The following ACTR3C variants were observed in gnomAD, a reference collection of about 807,000 sequenced individuals.
ACTR3C encodes actin-related protein 3C.
A neutral mutation model predicts 26.3 loss-of-function variants in ACTR3C; 18 were observed. The observed-to-expected ratio is 0.68, with a 90% confidence interval of 0.47 to 1.01. The LOEUF is 1.01. ACTR3C is among the 50% of genes least tolerant of loss of function. The pLI is 0.00. For synonymous variants in ACTR3C, 55 were observed against 94.5 expected (o/e 0.58, Z 2.42); for missense variants, 184 against 250.7 (o/e 0.73, Z 1.80).
At chr7:150,135,713 T>C in the ACTR3C span, among the ~76,000 whole-genome samples, 2 of 150,578 alleles carry the variant, frequency 1.3e-5, no homozygotes, top group Non-Finnish European at 2.9e-5. Context: ...AGGAAACTAA[T>C]AGAGCAGAAA....
the ACTR3C span, among the ~76,000 whole-genome samples, chr7:150,204,614 T>A: frequency 0.099 from 15,026 of 152,238 alleles, 958 homozygotes; most frequent in East Asian, 0.24. Flanking sequence ...CATGTGATGC[T>A]GTATCCTTTC....
At chr7:150,117,072 G>A in the ACTR3C span, among the ~76,000 whole-genome samples, 43 of 152,288 alleles carry the variant, frequency 2.8e-4, no homozygotes, top group Non-Finnish European at 5.3e-4. Flanking sequence ...CTTTTCCCAC[G>A]GTCTTCACAA....
chr7:150,263,576 A>G (rs1833813565), intron 6 of ACTR3C, among the ~76,000 whole-genome samples: 2 of 151,966 alleles, frequency 1.3e-5, no homozygotes, highest in Non-Finnish European at 2.9e-5. Context: ...ATTTGAAGAG[A>G]CTATGAAAGG....
intron 1 of ACTR3C, among the ~76,000 whole-genome samples, chr7:150,309,074 C>T (rs1796059813): frequency 6.6e-6 from 1 of 152,118 alleles, no homozygotes; most frequent in African/African-American, 2.4e-5. Flanking sequence ...GCATCGTGAG[C>T]CAGACCTCCA....
the ACTR3C span, among the ~76,000 whole-genome samples, chr7:150,073,228 G>A: frequency 6.6e-6 from 1 of 152,220 alleles, no homozygotes; most frequent in African/African-American, 2.4e-5. Flanking sequence ...GCCATCTTCT[G>A]TGGGTCAGGA....
chr7:150,116,444 C>T, the ACTR3C span, among the ~76,000 whole-genome samples: 1 of 152,156 alleles, frequency 6.6e-6, no homozygotes, highest in Non-Finnish European at 1.5e-5. Context: ...GTCTTGTGTA[C>T]ATGTTTCTAT....
intron 1 of ACTR3C, among the ~76,000 whole-genome samples, chr7:150,297,141 C>G (rs1441693875): frequency 6.8e-6 from 1 of 147,052 alleles, no homozygotes; most frequent in Non-Finnish European, 1.5e-5. Flanking sequence ...AACACTAGGA[C>G]ACATAGGGCC....
the ACTR3C span, among the ~76,000 whole-genome samples, chr7:150,119,974 C>T: frequency 3.3e-5 from 5 of 152,188 alleles, no homozygotes; most frequent in African/African-American, 1.2e-4. Context: ...CAACCTGCTC[C>T]TGAATGACTA....
At chr7:150,037,155 TC>T in the ACTR3C span, among the ~76,000 whole-genome samples, 2 of 46,410 alleles carry the variant, frequency 4.3e-5, 1 homozygote, top group Non-Finnish European at 9.2e-5. Flanking sequence ...GGGGGGTGCC[TC>T]CCCCCCTGTG....
the ACTR3C span, among the ~76,000 whole-genome samples, chr7:150,035,201 CG>C: frequency 4.3e-5 from 5 of 116,948 alleles, no homozygotes; most frequent in Non-Finnish European, 7.2e-5. Flanking sequence ...CCCCGCCTCA[CG>C]GGGGGTGCCT....
chr7:150,042,570 G>A, the ACTR3C span, among the ~76,000 whole-genome samples: 253 of 138,784 alleles, frequency 1.8e-3, 6 homozygotes, highest in Non-Finnish European at 3.1e-3. Flanking sequence ...CTGAGTCCCC[G>A]CCTCGCGGGG....
chr7:149,904,877 T>A, the ACTR3C span, among the ~76,000 whole-genome samples: 1 of 150,750 alleles, frequency 6.6e-6, no homozygotes, highest in Admixed American at 6.6e-5. Context: ...AATACAAAAA[T>A]TAGCTGGACG....
the ACTR3C span, among the ~76,000 whole-genome samples, chr7:150,034,121 G>A: frequency 5.3e-5 from 8 of 151,492 alleles, no homozygotes; most frequent in African/African-American, 1.9e-4. Context: ...GGGGGGAAGA[G>A]GGGATGGATC....
chr7:150,253,428 C>T (rs907879120), intron 6 of ACTR3C, among the ~76,000 whole-genome samples: 5 of 152,070 alleles, frequency 3.3e-5, no homozygotes, highest in Non-Finnish European at 7.4e-5. Flanking sequence ...TTTCTGTGAT[C>T]CATGCAGAGC....
chr7:149,984,793 T>C, the ACTR3C span, among the ~76,000 whole-genome samples: 1 of 152,074 alleles, frequency 6.6e-6, no homozygotes, highest in Non-Finnish European at 1.5e-5. Flanking sequence ...CTTCCTACCC[T>C]TCGTGATCCA....
the ACTR3C span, among the ~76,000 whole-genome samples, chr7:150,180,112 T>C: frequency 2.4e-4 from 37 of 151,060 alleles, no homozygotes; most frequent in Middle Eastern, 6.8e-3. Context: ...AAGATCATCC[T>C]GGCTAACACG....
At chr7:149,964,052 A>G in the ACTR3C span, among the ~76,000 whole-genome samples, 1 of 152,100 alleles carries the variant, frequency 6.6e-6, no homozygotes, top group Non-Finnish European at 1.5e-5. Flanking sequence ...ATGAATGAGC[A>G]ATGTTTTGCT....
chr7:150,202,539 T>A, the ACTR3C span, among the ~76,000 whole-genome samples: 3,560 of 152,260 alleles, frequency 0.023, 85 homozygotes, highest in East Asian at 0.082. Flanking sequence ...CATGGATTCT[T>A]TATAGAGTCA....
chr7:150,134,154 T>C, the ACTR3C span, among the ~76,000 whole-genome samples: 1 of 150,770 alleles, frequency 6.6e-6, no homozygotes, highest in Non-Finnish European at 1.5e-5. Context: ...CAAGTATACA[T>C]ATGTAACAAA....
Sources: allele counts gnomAD v4.1 joint callset (sites outside exome capture counted in the v4.1 genomes callset), GRCh38; gene constraint gnomAD v4.1.1; transcripts MANE v1.5; gene names NCBI Gene and HGNC (gene_info 2026-07-23, HGNC 2026-07-21).